The following PRSS37 variants were observed in gnomAD, a reference collection of about 807,000 sequenced individuals.
The protein encoded by PRSS37 is serine protease 37, also known as probable inactive serine protease 37.
A neutral mutation model predicts 28.0 loss-of-function variants in PRSS37; 25 were observed. That is an observed-to-expected ratio of 0.89 (90% CI 0.65 to 1.25). The LOEUF (loss-of-function observed/expected upper bound fraction) is 1.25. PRSS37 is among the 50% of genes most tolerant of loss of function. The pLI is 0.00. For missense variants in PRSS37, 282 were observed against 292.2 expected, an observed-to-expected ratio of 0.97 and a Z score of 0.25; for synonymous variants, 109 against 107.8, an observed-to-expected ratio of 1.01 and a Z score of -0.07.
rs752435238 is a variant in PRSS37 at position 141,839,487 on chromosome 7, A to T, written c.35-8T>A. 7 of 1,602,152 alleles carry T rather than the reference A, an allele frequency of 4.4e-6. No homozygotes were observed. The highest frequency in any genetic ancestry group is 6.0e-6 in the Non-Finnish European group (7 of 1,170,090). On this transcript the variant is annotated splice_polypyrimidine_tract_variant and splice_region_variant and intron_variant, in intron 1 of 4. Transcript: ENST00000350549. ...CAGCAAAGAAAAATGTCCCTGAGAA[A>T]ATAATGAACATTCTTAATACATAAA...
chr7:141,839,198 A>ACTG, intron 2 of PRSS37, 140 bp downstream of exon 2: 1 of 761,750 alleles, frequency 1.3e-6, no homozygotes, highest in Non-Finnish European at 2.2e-6. Context: ...TGCCAATAGC[A>ACTG]CTGCCCCCTG....
intron 4 of PRSS37, among the ~76,000 whole-genome samples, chr7:141,836,834 A>C (rs1264360854): frequency 6.6e-6 from 1 of 152,160 alleles, no homozygotes; most frequent in Non-Finnish European, 1.5e-5. Context: ...AGTCTGATTT[A>C]TTTTTAAAGA....
intron 3 of PRSS37, 172 bp from the exon 4 acceptor site, chr7:141,837,420 T>A: frequency 9.2e-7 from 1 of 1,086,710 alleles, no homozygotes. Flanking sequence ...ATCTTGAGGA[T>A]TTTGAAAAAG....
Position 141,841,310 on chromosome 7 carries a change from A to G in PRSS37, c.-261T>C. 1.8e-6 allele frequency: 1 copy of G among 561,108 alleles called. No homozygotes were observed. The highest frequency in any genetic ancestry group is 2.9e-6 in the Non-Finnish European group (1 of 342,638). The allele number at this position is 561,108 out of a possible 1,614,324, so 34.8% of individuals were successfully genotyped here. ...GCATTTCAGGGAAGGAAACTCCTGG[A>G]TTCAGCTCCTTCTATCTGCTGCCCC... On this transcript the variant is annotated 5_prime_UTR_variant, in exon 1 of 5. Transcript: ENST00000350549.
intron 2 of PRSS37, chr7:141,838,346 C>T (rs766804932): frequency 6.5e-6 from 9 of 1,386,368 alleles, no homozygotes; most frequent in Non-Finnish European, 8.4e-6. Flanking sequence ...GAGCCCTTCA[C>T]TACATTTTAA....
intron 2 of PRSS37, chr7:141,838,580 C>G (rs936044300): frequency 4.0e-5 from 18 of 446,074 alleles, no homozygotes; most frequent in East Asian, 9.6e-5. Context: ...TCAGTGGGCT[C>G]TCTTGTCCTC....
chr7:141,838,519 T>C (rs1467177247), intron 2 of PRSS37: 7 of 1,002,052 alleles, frequency 7.0e-6, no homozygotes, highest in African/African-American at 1.7e-5. Flanking sequence ...GCACTAACAG[T>C]CCTATTCCAT....
At position 141,838,052 on chromosome 7, in the gene PRSS37, T is replaced by C; in HGVS notation, c.238A>G (p.Ile80Val). Residue 80 changes from isoleucine to valine, a missense_variant, in exon 3 of 5, where the codon ATT becomes GTT. Ile to Val is a conservative substitution (Grantham distance 29, BLOSUM62 3). Transcript: ENST00000350549. Reference protein sequence around the residue: ...SRVRDGTEQTINPIQIVRYWN... With the variant: ...SRVRDGTEQTVNPIQIVRYWN... ...TAGCGGACGATCTGAATGGGGTTAA[T>C]TGTCTGTTCAGTACCGTCTCTGACT... The C allele has an allele frequency of 6.2e-7, 1 of 1,614,154 alleles. No homozygotes were observed. The highest frequency in any genetic ancestry group is 1.1e-5 in the South Asian group (1 of 91,076).
intron 1 of PRSS37, among the ~76,000 whole-genome samples, chr7:141,839,998 A>G (rs988707543): frequency 2.6e-5 from 4 of 152,228 alleles, no homozygotes; most frequent in African/African-American, 9.6e-5. Context: ...TAAACTAATT[A>G]GAATATTAAA....
chr7:141,837,589 A>G (rs747687163), intron 3 of PRSS37: 15 of 1,506,906 alleles, frequency 1.0e-5, no homozygotes, highest in Non-Finnish European at 1.3e-5. Context: ...GTCTCTGCCA[A>G]TCAGGAATGG....
Position 141,841,207 on chromosome 7 carries a change from AG to A in PRSS37, c.-159del. The A allele has an allele frequency of 6.9e-7, 1 of 1,459,726 alleles. No homozygotes were observed. Among genetic ancestry groups the A allele is most frequent in the Non-Finnish European group, 9.1e-7 (1 of 1,098,714 alleles). The allele number at this position is 1,459,726 out of a possible 1,614,324, so 90.4% of individuals were successfully genotyped here. On this transcript the variant is annotated 5_prime_UTR_variant, in exon 1 of 5. An upstream open reading frame in the 5' UTR loses its in-frame stop. Transcript: ENST00000350549. ...TTGGAAAGCAGCTCTGGGCATAAAC[AG>A]GGGAGGGAGATGGCTTCAGAGAGAC...
chr7:141,836,611 CCGCTTGGGTGAG>C lies in PRSS37; in HGVS notation c.568-88_568-77del, dbSNP rs1298075985. 7.2e-5 allele frequency: 110 copies of C among 1,525,690 alleles called. 2 individuals carry two copies. Among genetic ancestry groups the C allele is most frequent in the East Asian group, 5.3e-4 (23 of 43,174 alleles). The allele number at this position is 1,525,690 out of a possible 1,614,324, so 94.5% of individuals were successfully genotyped here. ...ATCTTCTCACAGGAACCCTAGTGTC[CCGCTTGGGTGAG>C]CCCTGTCTGCAGGCATATGCTGGAC... On this transcript the variant is annotated intron_variant, in intron 4 of 4. Transcript: ENST00000350549.
In PRSS37 at chr7:141,838,828, G is replaced by A. The variant is rs190876362; in HGVS notation, c.176+510C>T. 31 of 363,920 alleles carry A rather than the reference G, an allele frequency of 8.5e-5. No individual in the cohort carries two copies. The East Asian group carries it at 2.3e-3, about 27-fold the overall frequency. The allele number at this position is 363,920 out of a possible 1,614,324, so 22.5% of individuals were successfully genotyped here. On this transcript the variant is annotated intron_variant, in intron 2 of 4. Coordinates refer to ENST00000350549, the MANE Select transcript of PRSS37 (RefSeq NM_001008270.3). Reference sequence around the variant, plus strand: ...TCCTCTTGCCTTTTTAGGCCTAGAGGTGGTAACTGCATTTTCTTAATACAA... The same window carrying A: ...TCCTCTTGCCTTTTTAGGCCTAGAGATGGTAACTGCATTTTCTTAATACAA...
chr7:141,840,736 A>C (rs1346184659), intron 1 of PRSS37, among the ~76,000 whole-genome samples: 1 of 151,940 alleles, frequency 6.6e-6, no homozygotes, highest in East Asian at 1.9e-4. Context: ...TTTTGTTTCT[A>C]CTTCTCTGTT....
chr7:141,836,969 T>A, intron 4 of PRSS37, 143 bp downstream of exon 4: 1 of 833,934 alleles, frequency 1.2e-6, no homozygotes, highest in Non-Finnish European at 1.9e-6. Context: ...ATCCCATTAC[T>A]GAAGAAACAA....
intron 1 of PRSS37, among the ~76,000 whole-genome samples, 169 bp from the exon 2 acceptor site, chr7:141,839,648 A>G (rs1801093570): frequency 1.3e-5 from 2 of 152,150 alleles, no homozygotes; most frequent in Non-Finnish European, 2.9e-5. Flanking sequence ...ACGATATGCC[A>G]TTTTATCTTA....
chr7:141,836,463 C>T lies in PRSS37; in HGVS notation c.640G>A (p.Asp214Asn), dbSNP rs1207805054. 1.2e-6 allele frequency: 2 copies of T among 1,610,552 alleles called. No homozygotes were observed. Among genetic ancestry groups the T allele is most frequent in the South Asian group, 1.1e-5 (1 of 90,688 alleles). The change falls in exon 5 of 5, where the codon GAC (aspartate) becomes AAC (asparagine). Residue 214 changes from aspartate (D) to asparagine (N), a missense_variant. Transcript: ENST00000350549. The stretch of plus-strand genomic sequence containing the variant: ...TAAACATTGGTGTAGATGCCGACGT[C>T]CCCTCCCATGAAGTGCCCCACCTCG... ...GIEVGHFMGG[D>N]VGIYTNVYKY...
Position 141,841,220 on chromosome 7 carries a change from G to A in PRSS37, c.-171C>T. On this transcript the variant is annotated 5_prime_UTR_variant, in exon 1 of 5. Transcript: ENST00000350549. ...CTGGGCATAAACAGGGGAGGGAGAT[G>A]GCTTCAGAGAGACAGATGAAAGCCC... The A allele has an allele frequency of 7.1e-7, 1 of 1,408,386 alleles. No individual in the cohort carries two copies. The highest frequency in any genetic ancestry group is 9.4e-7 in the Non-Finnish European group (1 of 1,065,220). 87.2% of individuals were successfully genotyped at this position (1,408,386 alleles called of 1,614,324 possible).
intron 3 of PRSS37, 197 bp downstream of exon 3, chr7:141,837,663 T>A: frequency 6.5e-7 from 1 of 1,528,530 alleles, no homozygotes. Context: ...GCAGAGGCAG[T>A]GGGATATTAG....
Sources: allele counts gnomAD v4.1 joint callset (sites outside exome capture counted in the v4.1 genomes callset), GRCh38; gene constraint gnomAD v4.1.1; transcripts MANE v1.5; gene names NCBI Gene and HGNC (gene_info 2026-07-23, HGNC 2026-07-21).